Variants in MDGA2 observed in about 807,000 individuals in gnomAD.
MDGA2 encodes MAM domain-containing glycosylphosphatidylinositol anchor protein 2.
A neutral mutation model predicts 117.8 loss-of-function variants in MDGA2; 40 were observed. That is an observed-to-expected ratio of 0.34 (90% CI 0.26 to 0.44). MDGA2 has a LOEUF of 0.44. Ranked by LOEUF, MDGA2 falls within the 20% of genes least tolerant of loss-of-function variation. The pLI is 1.00. For missense variants in MDGA2, 1,123 were observed against 1,250.6 expected, an observed-to-expected ratio of 0.90 and a Z score of 1.54; for synonymous variants, 452 against 439.0, an observed-to-expected ratio of 1.03 and a Z score of -0.37.
At chr14:47,499,485 ACT>A (rs1321085377) in intron 1 of MDGA2, among the ~76,000 whole-genome samples, 10 of 152,170 alleles carry the variant, frequency 6.6e-5, no homozygotes, top group Admixed American at 6.5e-4. Flanking sequence ...ATACATAAAC[ACT>A]GTTATTCCCT....
chr14:47,510,498 G>GC (rs1894616601), intron 1 of MDGA2, among the ~76,000 whole-genome samples: 1 of 152,078 alleles, frequency 6.6e-6, no homozygotes, highest in South Asian at 2.1e-4. Context: ...TTGGATATTA[G>GC]CTTGAGAGTT....
At chr14:47,288,385 G>A (rs143637718) in intron 2 of MDGA2, among the ~76,000 whole-genome samples, 2 of 152,188 alleles carry the variant, frequency 1.3e-5, no homozygotes, top group African/African-American at 4.8e-5. Context: ...TTCTGATTAT[G>A]TATCGTATCA....
intron 1 of MDGA2, among the ~76,000 whole-genome samples, chr14:47,382,632 T>G (rs1891662332): frequency 6.6e-6 from 1 of 152,084 alleles, no homozygotes; most frequent in African/African-American, 2.4e-5. Flanking sequence ...ATCAGAGAAA[T>G]GCAAATCAAA....
At chr14:47,212,833 C>T (rs1885935511) in intron 3 of MDGA2, among the ~76,000 whole-genome samples, 1 of 152,096 alleles carries the variant, frequency 6.6e-6, no homozygotes, top group African/African-American at 2.4e-5. Context: ...TTTGTATACT[C>T]AATTTTGTAT....
At chr14:47,345,147 T>A (rs1314465620) in intron 1 of MDGA2, among the ~76,000 whole-genome samples, 2 of 152,050 alleles carry the variant, frequency 1.3e-5, no homozygotes, top group African/African-American at 2.4e-5. Flanking sequence ...AAACCCCATT[T>A]AATATATATT....
chr14:47,639,739 T>C (rs1435870619), intron 1 of MDGA2, among the ~76,000 whole-genome samples: 2 of 152,164 alleles, frequency 1.3e-5, no homozygotes, highest in Non-Finnish European at 2.9e-5. Flanking sequence ...TCCCAGTCTC[T>C]CATTCAAGGA....
chr14:47,289,608 C>T (rs1888810764), intron 2 of MDGA2, among the ~76,000 whole-genome samples: 1 of 151,916 alleles, frequency 6.6e-6, no homozygotes, highest in East Asian at 1.9e-4. Context: ...AGAATTTCCA[C>T]ATTAAAAAAA....
intron 1 of MDGA2, among the ~76,000 whole-genome samples, chr14:47,620,845 A>AGGCACAAC (rs1175510022): frequency 3.9e-5 from 6 of 152,174 alleles, no homozygotes; most frequent in Non-Finnish European, 8.8e-5. Context: ...AGGCTGGCTG[A>AGGCACAAC]GGCACAACGG....
intron 6 of MDGA2, 110 bp downstream of exon 6, chr14:47,096,744 T>G: frequency 1.9e-6 from 2 of 1,063,256 alleles, no homozygotes; most frequent in Middle Eastern, 2.2e-4. Context: ...TTTATCTGTA[T>G]TTTACAGATA....
intron 5 of MDGA2, among the ~76,000 whole-genome samples, chr14:47,130,410 G>A (rs545508233): frequency 5.0e-4 from 76 of 152,156 alleles, no homozygotes; most frequent in African/African-American, 1.8e-3. Flanking sequence ...TTAAATCTTA[G>A]CCAAAATCAG....
chr14:47,258,019 T>C (rs573658591), intron 2 of MDGA2, among the ~76,000 whole-genome samples: 33 of 152,208 alleles, frequency 2.2e-4, no homozygotes, highest in Admixed American at 9.2e-4. Flanking sequence ...GAATATACAA[T>C]CTGATACTCA....
intron 10 of MDGA2, among the ~76,000 whole-genome samples, chr14:46,892,666 C>A (rs1882927985): frequency 6.6e-6 from 1 of 151,704 alleles, no homozygotes; most frequent in African/African-American, 2.4e-5. Flanking sequence ...AGCAAAAAAA[C>A]AAATAATCTG....
At chr14:47,228,750 G>C (rs927682279) in intron 2 of MDGA2, among the ~76,000 whole-genome samples, 1 of 152,138 alleles carries the variant, frequency 6.6e-6, no homozygotes, top group African/African-American at 2.4e-5. Context: ...AGGAAAAGGT[G>C]CATTGGGCAA....
chr14:47,420,126 CA>C (rs1283674541), intron 1 of MDGA2, among the ~76,000 whole-genome samples: 1 of 152,050 alleles, frequency 6.6e-6, no homozygotes, highest in African/African-American at 2.4e-5. Flanking sequence ...TACACACATA[CA>C]ATGCATATGG....
rs963670144 is a variant in MDGA2 at position 47,665,780 on chromosome 14, G to A, written c.280+8737C>T. On this transcript the variant is annotated intron_variant, in intron 1 of 16. Transcript: ENST00000399232. ...GCTGCCTCCCTGCGGGGCAGGGCTC[G>A]GGACTAGCAGCCCGCCCCCTCCCTC... Among the ~76,000 whole-genome samples, 81 of 149,288 alleles carry A rather than the reference G, an allele frequency of 5.4e-4. 1 individual carries two copies. Among genetic ancestry groups the A allele is most frequent in the South Asian group, 1.1e-3 (5 of 4,674 alleles).
intron 1 of MDGA2, among the ~76,000 whole-genome samples, chr14:47,451,052 A>ATATTCTT (rs1893231394): frequency 6.6e-6 from 1 of 152,082 alleles, no homozygotes; most frequent in African/African-American, 2.4e-5. Flanking sequence ...TAGAAAAGGT[A>ATATTCTT]CCTCAGTGGA....
Position 47,185,923 on chromosome 14 carries a change from T to C in MDGA2, c.595+32098A>G, listed in dbSNP as rs78053643. Among the ~76,000 whole-genome samples the C allele has an allele frequency of 3.1e-3, 468 of 151,328 alleles. 3 individuals are homozygous for C. The highest frequency in any genetic ancestry group is 0.011 in the African/African-American group (439 of 41,414). ...ATGACAAATCAATGCAGACAGAAAATAACATTCAAACATTTCAATACCTAT... is the reference window on the plus strand; with the variant it reads ...ATGACAAATCAATGCAGACAGAAAACAACATTCAAACATTTCAATACCTAT... On this transcript the variant is annotated intron_variant, in intron 3 of 16. Transcript: ENST00000399232.
At chr14:47,096,231 C>T (rs1191560195) in intron 6 of MDGA2, among the ~76,000 whole-genome samples, 2 of 152,008 alleles carry the variant, frequency 1.3e-5, no homozygotes, top group African/African-American at 4.8e-5. Flanking sequence ...AAACACTACT[C>T]GACCTATAAG....
At chr14:47,122,917 AT>A (rs1325405181) in intron 5 of MDGA2, among the ~76,000 whole-genome samples, 14 of 152,088 alleles carry the variant, frequency 9.2e-5, no homozygotes, top group African/African-American at 3.4e-4. Flanking sequence ...CAAATACAAA[AT>A]ACATGGTCTG....
Sources: gnomAD v4.1 joint callset for allele counts (sites outside exome capture counted in the v4.1 genomes callset) on GRCh38, gnomAD v4.1.1 for gene constraint, MANE v1.5 for transcripts, NCBI Gene and HGNC (gene_info 2026-07-23, HGNC 2026-07-21) for gene names.